The following NEK10 variants were observed in gnomAD, a reference collection of about 807,000 sequenced individuals.
NEK10 encodes the protein serine/threonine-protein kinase Nek10.
In NEK10, 122 loss-of-function variants were observed where a neutral mutation model predicts 159.8. The ratio of observed to expected loss-of-function variants is 0.76; its 90% CI spans 0.66 to 0.89. NEK10 has a LOEUF of 0.89. Among genes scored for constraint, NEK10 ranks in the 40% least tolerant of loss-of-function variants. The pLI, the probability that NEK10 is intolerant of heterozygous loss-of-function variation, is 0.00. For synonymous variants in NEK10, 466 were observed against 457.1 expected (o/e 1.02, Z -0.25); for missense variants, 1,342 against 1,323.1 (o/e 1.01, Z -0.22).
intron 22 of NEK10, among the ~76,000 whole-genome samples, chr3:27,272,171 C>G (rs1365369655): frequency 6.6e-6 from 1 of 152,180 alleles, no homozygotes; most frequent in Non-Finnish European, 1.5e-5. Flanking sequence ...AACCTTTCAC[C>G]CATCACATAT....
intron 1 of NEK10, among the ~76,000 whole-genome samples, chr3:27,359,756 G>A (rs11715126): frequency 0.32 from 49,046 of 152,072 alleles, 9,946 homozygotes; most frequent in East Asian, 0.74. Context: ...GGAATTCTGT[G>A]CTGTTTTTGC....
chr3:27,141,080 C>T (rs375987520), intron 31 of NEK10, among the ~76,000 whole-genome samples: 6 of 152,234 alleles, frequency 3.9e-5, no homozygotes, highest in East Asian at 1.9e-4. Context: ...TTTTGGCTTT[C>T]ACTCTCTGAA....
intron 22 of NEK10, among the ~76,000 whole-genome samples, chr3:27,264,294 A>C (rs764254080): frequency 1.3e-5 from 2 of 152,204 alleles, no homozygotes; most frequent in Non-Finnish European, 2.9e-5. Context: ...TCACTTCATA[A>C]AGCCAACATT....
chr3:27,352,789 G>A, intron 2 of NEK10, 23 bp downstream of exon 2: 1 of 1,544,150 alleles, frequency 6.5e-7, no homozygotes, highest in Non-Finnish European at 9.0e-7. Flanking sequence ...TTAACAATTA[G>A]CAAACACTCA....
At chr3:27,315,733 G>A (rs952263531) in intron 6 of NEK10, among the ~76,000 whole-genome samples, 2 of 152,162 alleles carry the variant, frequency 1.3e-5, no homozygotes, top group Admixed American at 6.5e-5. Flanking sequence ...CATAAGGTGG[G>A]TATACAAACA....
chr3:27,356,936 A>G (rs2048361052), intron 1 of NEK10, among the ~76,000 whole-genome samples: 1 of 152,212 alleles, frequency 6.6e-6, no homozygotes, highest in East Asian at 1.9e-4. Flanking sequence ...AGTGCATGAC[A>G]CAGTGTAAGC....
chr3:27,295,358 A>G (rs947106030), intron 15 of NEK10, among the ~76,000 whole-genome samples: 1 of 152,236 alleles, frequency 6.6e-6, no homozygotes, highest in Non-Finnish European at 1.5e-5. Flanking sequence ...TTAAAAAAAT[A>G]GAACTTATTG....
In NEK10 at chr3:27,290,667, C is replaced by T. The variant is rs2042933089; in HGVS notation, c.1693G>A (p.Asp565Asn). ...PAFGKDKKDRDSSVRNIVSEL... is the reference protein window; with the variant it reads ...PAFGKDKKDRNSSVRNIVSEL... ...GAAACAATATTCCTTACGCTGCTGT[C>T]TCGATCTTTCTTATCCTTTCCAAAT... is the stretch of plus-strand genomic sequence containing the variant. The change falls in exon 19 of 36, where the codon GAC becomes AAC. Residue 565 changes from aspartate to asparagine, a missense_variant. Physicochemically the swap from Asp to Asn is conservative, Grantham distance 23. Transcript: ENST00000691995. The T allele has an allele frequency of 6.2e-7, 1 of 1,608,524 alleles. No homozygotes were observed. Among genetic ancestry groups the T allele is most frequent in the South Asian group, 1.1e-5 (1 of 90,622 alleles).
At chr3:27,117,538 T>C (rs1940645900) in intron 33 of NEK10, among the ~76,000 whole-genome samples, 1 of 152,256 alleles carries the variant, frequency 6.6e-6, no homozygotes, top group Non-Finnish European at 1.5e-5. Flanking sequence ...CACAAGATGG[T>C]TTCTCATTGT....
intron 30 of NEK10, among the ~76,000 whole-genome samples, chr3:27,145,979 A>G (rs2148711491): frequency 6.6e-6 from 1 of 152,272 alleles, no homozygotes; most frequent in African/African-American, 2.4e-5. Flanking sequence ...GCCTCTGGTT[A>G]CTGCAAATAC....
intron 30 of NEK10, among the ~76,000 whole-genome samples, chr3:27,142,477 C>T (rs1023670740): frequency 2.3e-4 from 35 of 151,198 alleles, no homozygotes; most frequent in Non-Finnish European, 4.1e-4. Context: ...GTGTGCTTTC[C>T]GCAATAAAAC....
At chr3:27,169,966 A>G (rs1032407781) in intron 29 of NEK10, among the ~76,000 whole-genome samples, 14 of 152,318 alleles carry the variant, frequency 9.2e-5, no homozygotes, top group Admixed American at 3.3e-4. Context: ...CATTTATCCC[A>G]GAGTTCCTGT....
At chr3:27,157,432 T>C (rs1315470028) in intron 30 of NEK10, among the ~76,000 whole-genome samples, 1 of 152,126 alleles carries the variant, frequency 6.6e-6, no homozygotes, top group East Asian at 1.9e-4. Flanking sequence ...GTAGAAGAAG[T>C]AATTGCAAAT....
chr3:27,158,431 A>G (rs1459293370), intron 30 of NEK10, among the ~76,000 whole-genome samples: 3 of 152,212 alleles, frequency 2.0e-5, no homozygotes, highest in Non-Finnish European at 4.4e-5. Flanking sequence ...AGTTGTTCGT[A>G]TAAGGACAAC....
At chr3:27,195,138 T>G (rs192093280) in intron 25 of NEK10, among the ~76,000 whole-genome samples, 1 of 152,188 alleles carries the variant, frequency 6.6e-6, no homozygotes, top group Non-Finnish European at 1.5e-5. Context: ...AAGATATATA[T>G]GATTAGAAAC....
rs1376044488 is a variant in NEK10, at chr3:27,108,272, C to A, written c.*3000G>T. ...CATACAAGTGTCCACAATAAACAAGCAGCATTTCTCTAGGTTTCTGAAATT... is the reference window on the plus strand; with the variant it reads ...CATACAAGTGTCCACAATAAACAAGAAGCATTTCTCTAGGTTTCTGAAATT... On this transcript the variant is annotated 3_prime_UTR_variant, in exon 36 of 36. Coordinates refer to ENST00000691995, the MANE Select transcript of NEK10 (RefSeq NM_001394966.1). 6.6e-6 allele frequency among the ~76,000 whole-genome samples: 1 copy of A among 152,146 alleles called. No homozygotes were observed. The highest frequency in any genetic ancestry group is 1.5e-5 in the Non-Finnish European group (1 of 68,022).
intron 25 of NEK10, among the ~76,000 whole-genome samples, chr3:27,192,571 A>G (rs931109862): frequency 1.3e-5 from 2 of 149,856 alleles, no homozygotes; most frequent in Admixed American, 6.7e-5. Flanking sequence ...GCTTTCTGAA[A>G]TCACTGCCAA....
chr3:27,340,429 A>G (rs2047120191), intron 5 of NEK10, among the ~76,000 whole-genome samples: 1 of 152,082 alleles, frequency 6.6e-6, no homozygotes, highest in Non-Finnish European at 1.5e-5. Context: ...AACCTAGACA[A>G]CGGGTGGATA....
chr3:27,173,722 A>G (rs994773762), intron 28 of NEK10, among the ~76,000 whole-genome samples: 3 of 152,170 alleles, frequency 2.0e-5, no homozygotes, highest in African/African-American at 7.2e-5. Flanking sequence ...GAATATTTCT[A>G]TCTATGGTTT....
Sources: gnomAD v4.1 joint callset for allele counts (sites outside exome capture counted in the v4.1 genomes callset) on GRCh38, gnomAD v4.1.1 for gene constraint, MANE v1.5 for transcripts, NCBI Gene and HGNC (gene_info 2026-07-23, HGNC 2026-07-21) for gene names.